Variants in ZFAND6 observed in about 807,000 individuals in gnomAD.
The protein encoded by ZFAND6 is zinc finger AN1-type containing 6, also known as AN1-type zinc finger protein 6.
In ZFAND6, 12 loss-of-function variants were observed where a neutral mutation model predicts 24.5. That is an observed-to-expected ratio of 0.49 (90% confidence interval 0.31 to 0.79). The LOEUF (loss-of-function observed/expected upper bound fraction) is 0.79. Ranked by LOEUF, ZFAND6 falls within the 30% of genes least tolerant of loss-of-function variation. The pLI, the probability that ZFAND6 is intolerant of heterozygous loss-of-function variation, is 0.04. For synonymous variants in ZFAND6, 92 were observed against 81.5 expected (o/e 1.13, Z -0.69); for missense variants, 207 against 245.9 (o/e 0.84, Z 1.06).
chr15:80,079,409 A>G (rs1208063932), intron 1 of ZFAND6, among the ~76,000 whole-genome samples: 1 of 151,524 alleles, frequency 6.6e-6, no homozygotes, highest in Non-Finnish European at 1.5e-5. Context: ...TTTAGTAGAG[A>G]CGGGGTTTCA....
At chr15:80,073,829 T>G (rs1291799211) in intron 1 of ZFAND6, among the ~76,000 whole-genome samples, 2 of 151,974 alleles carry the variant, frequency 1.3e-5, no homozygotes, top group African/African-American at 4.8e-5. Context: ...TAAATTGATG[T>G]GACCTGAATT....
chr15:80,081,735 C>T (rs1172381898), intron 1 of ZFAND6, among the ~76,000 whole-genome samples: 1 of 152,122 alleles, frequency 6.6e-6, no homozygotes, highest in East Asian at 1.9e-4. Flanking sequence ...ATCAAGTTAA[C>T]TTTATAGTGC....
In ZFAND6 at chr15:80,133,199, G is replaced by GTTT. The variant is rs3082115; in HGVS notation, c.478+1915_478+1917dup. Among the ~76,000 whole-genome samples the GTTT allele has an allele frequency of 4.9e-3, 720 of 145,490 alleles. 8 individuals carry two copies. The highest frequency in any genetic ancestry group is 0.014 in the African/African-American group (544 of 39,500). ...GTTTTTTTTTGTTTGTTTGTTTTTT[G>GTTT]TTTTTTTTTTTGAAATGGAGTCTTG... On this transcript the variant is annotated intron_variant, in intron 6 of 6. Transcript: ENST00000261749.
At chr15:80,088,554 G>A (rs1217749708) in intron 1 of ZFAND6, among the ~76,000 whole-genome samples, 1 of 151,244 alleles carries the variant, frequency 6.6e-6, no homozygotes, top group East Asian at 2.0e-4. Context: ...CGATAAGAGC[G>A]AAACTCTGTC....
chr15:80,126,621 A>G (rs571625250), intron 5 of ZFAND6, among the ~76,000 whole-genome samples: 1 of 152,340 alleles, frequency 6.6e-6, no homozygotes, highest in East Asian at 1.9e-4. Context: ...CCTATGTCAT[A>G]CCATATGCAA....
intron 2 of ZFAND6, among the ~76,000 whole-genome samples, chr15:80,107,154 G>T (rs956209392): frequency 6.6e-6 from 1 of 152,220 alleles, no homozygotes. Flanking sequence ...GGCAAAGGTT[G>T]CAGGGAGCCA....
chr15:80,083,107 T>C (rs2037774885), intron 1 of ZFAND6, among the ~76,000 whole-genome samples: 1 of 152,180 alleles, frequency 6.6e-6, no homozygotes, highest in Non-Finnish European at 1.5e-5. Context: ...TTCTCCTGCC[T>C]CAGCCTCCCG....
chr15:80,061,524 GTA>G (rs1393443740), intron 1 of ZFAND6, among the ~76,000 whole-genome samples: 1 of 152,150 alleles, frequency 6.6e-6, no homozygotes, highest in East Asian at 1.9e-4. Context: ...TGGATTTTGT[GTA>G]TGTCACTTCC....
At chr15:80,059,656 A>G (rs2036211823), upstream of ZFAND6, 1 of 152,254 alleles carries the variant, frequency 6.6e-6, no homozygotes. Flanking sequence ...CATAGGCCGA[A>G]CAACCAAACA....
At chr15:80,076,434 A>T (rs1316093913) in intron 1 of ZFAND6, among the ~76,000 whole-genome samples, 1 of 151,734 alleles carries the variant, frequency 6.6e-6, no homozygotes, top group Non-Finnish European at 1.5e-5. Context: ...GATTTCTTAG[A>T]TGACTAAACA....
At chr15:80,084,778 T>C (rs1345245973) in intron 1 of ZFAND6, among the ~76,000 whole-genome samples, 3 of 152,210 alleles carry the variant, frequency 2.0e-5, no homozygotes, top group Non-Finnish European at 2.9e-5. Flanking sequence ...TATTAGACTC[T>C]GAGGATACAG....
intron 1 of ZFAND6, among the ~76,000 whole-genome samples, chr15:80,093,202 T>G (rs1390639646): frequency 6.6e-6 from 1 of 151,738 alleles, no homozygotes; most frequent in Admixed American, 6.6e-5. Context: ...CCTGACCTCG[T>G]GATCCGCCTG....
At chr15:80,084,295 G>A (rs977225550) in intron 1 of ZFAND6, among the ~76,000 whole-genome samples, 2 of 152,216 alleles carry the variant, frequency 1.3e-5, no homozygotes, top group Non-Finnish European at 2.9e-5. Context: ...TCTGAGTGCA[G>A]ACACGATGCT....
chr15:80,095,183 T>G (rs934787509), intron 1 of ZFAND6, among the ~76,000 whole-genome samples: 2 of 152,246 alleles, frequency 1.3e-5, no homozygotes, highest in African/African-American at 2.4e-5. Context: ...AGCCTTTCTT[T>G]GCCTTTAATG....
chr15:80,121,099 G>A (rs2040126606), intron 3 of ZFAND6, among the ~76,000 whole-genome samples: 1 of 152,184 alleles, frequency 6.6e-6, no homozygotes, highest in Non-Finnish European at 1.5e-5. Context: ...AGTGTTTAGT[G>A]TATTCATTTA....
At chr15:80,106,383 C>G (rs780130753) in intron 2 of ZFAND6, among the ~76,000 whole-genome samples, 11 of 152,096 alleles carry the variant, frequency 7.2e-5, no homozygotes, top group Non-Finnish European at 1.5e-4. Flanking sequence ...GAAACACAGC[C>G]ATTCCTATTC....
intron 2 of ZFAND6, among the ~76,000 whole-genome samples, chr15:80,118,479 G>A (rs80045479): frequency 0.015 from 2,336 of 151,920 alleles, 69 homozygotes; most frequent in African/African-American, 0.051. Context: ...TCATAAAATA[G>A]GCAAAAAAGG....
At chr15:80,094,334 A>G (rs2038577850) in intron 1 of ZFAND6, among the ~76,000 whole-genome samples, 1 of 148,312 alleles carries the variant, frequency 6.7e-6, no homozygotes. Context: ...GATCAGCAAC[A>G]CTGGATTCTC....
intron 5 of ZFAND6, among the ~76,000 whole-genome samples, chr15:80,127,423 A>C (rs1230789802): frequency 2.6e-5 from 4 of 151,948 alleles, no homozygotes; most frequent in Non-Finnish European, 4.4e-5. Flanking sequence ...CCCCATCTCT[A>C]CTAAAAATAT....
Sources: allele counts gnomAD v4.1 joint callset (sites outside exome capture counted in the v4.1 genomes callset), GRCh38; gene constraint gnomAD v4.1.1; transcripts MANE v1.5; gene names NCBI Gene and HGNC (gene_info 2026-07-23, HGNC 2026-07-21).